Variants in FAT2 observed in about 807,000 individuals in gnomAD.
FAT2 encodes the protein FAT atypical cadherin 2.
In FAT2, 150 loss-of-function variants were observed where a neutral mutation model predicts 295.3. The ratio of observed to expected loss-of-function variants is 0.51; its 90% confidence interval spans 0.44 to 0.58. The LOEUF is 0.58. FAT2 is among the 20% of genes least tolerant of loss of function. FAT2 has a pLI of 0.00. For missense variants in FAT2, 4,868 were observed against 5,442.7 expected (o/e 0.89, Z 3.32); for synonymous variants, 2,026 against 2,150.3 (o/e 0.94, Z 1.60).
chr5:151,555,700 G>C (rs1043627273), intron 4 of FAT2, among the ~76,000 whole-genome samples: 1 of 152,160 alleles, frequency 6.6e-6, no homozygotes, highest in Non-Finnish European at 1.5e-5. Context: ...AAAGGAAAAA[G>C]AATGTGCAGA....
intron 22 of FAT2, among the ~76,000 whole-genome samples, chr5:151,507,889 T>C (rs1216071917): frequency 1.3e-5 from 2 of 152,176 alleles, no homozygotes; most frequent in Non-Finnish European, 2.9e-5. Flanking sequence ...ATACACTCTC[T>C]ATCATGAGGT....
chr5:151,529,948 G>A (rs13174422), intron 14 of FAT2, among the ~76,000 whole-genome samples: 31,857 of 152,176 alleles, frequency 0.21, 4,099 homozygotes, highest in East Asian at 0.39. Context: ...ATAGTTAATG[G>A]TGGACACTCT....
At position 151,521,966 on chromosome 5, in the gene FAT2, C is replaced by T; in HGVS notation, c.10627G>A (p.Asp3543Asn). ...PLEIFITVGE[D>N]EFQGGMVGKI... is the part of the protein sequence containing the mutation. The stretch of plus-strand genomic sequence containing the variant: ...CCCACCATGCCACCCTGGAACTCAT[C>T]CTCTCCAACAGTGATGAAGATCTCC... Residue 3543 changes from aspartate to asparagine, a missense_variant, in exon 19 of 24, where the codon GAT becomes AAT. Around this residue, in one of 5 missense-constraint regions of FAT2, gnomAD observed 1,046 missense variants for 1,210.1 expected, o/e 0.86. Transcript: ENST00000261800. 2 of 1,614,214 alleles carry T rather than the reference C, an allele frequency of 1.2e-6. No homozygotes were observed. Among genetic ancestry groups the T allele is most frequent in the Non-Finnish European group, 1.7e-6 (2 of 1,180,038 alleles).
At chr5:151,538,098 G>C (rs1581376463) in intron 11 of FAT2, 152 bp from the exon 12 acceptor site, 1 of 580,050 alleles carries the variant, frequency 1.7e-6, no homozygotes, top group Non-Finnish European at 3.0e-6. Context: ...CAGAGACAGA[G>C]AGAGAGAAAG....
At position 151,553,322 on chromosome 5, in the gene FAT2, G is replaced by C. The variant is rs1757386076; in HGVS notation, c.4011C>G (p.Ile1337Met). 3 of 1,614,154 alleles carry C rather than the reference G, an allele frequency of 1.9e-6. No homozygotes were observed. The highest frequency in any genetic ancestry group is 1.1e-5 in the South Asian group (1 of 91,092). The change falls in exon 6 of 24, where the codon ATC becomes ATG. Residue 1337 changes from isoleucine (I) to methionine (M), a missense_variant. Around this residue, in one of 5 missense-constraint regions of FAT2, gnomAD observed 3,297 missense variants for 3,669.4 expected, o/e 0.90. Coordinates refer to ENST00000261800, the MANE Select transcript of FAT2 (RefSeq NM_001447.3). ...SASVRLHIEW[I>M]PWPRPSSIPL... The stretch of plus-strand genomic sequence containing the variant: ...GGATGGAGGACGGCCGGGGCCAAGG[G>C]ATCCACTCAATGTGTAGCCGGACAC...
Position 151,590,755 on chromosome 5 carries a change from C to T in FAT2, c.-21+410G>A, listed in dbSNP as rs75502057. Among the ~76,000 whole-genome samples, 15 of 152,280 alleles carry T rather than the reference C, an allele frequency of 9.9e-5. No homozygotes were observed. The East Asian group carries it at 2.9e-3, about 29-fold the overall frequency. ...AAGCCAGCAACTCTCAATTCCTGGC[C>T]CTGGCACTTCCCCCTAAAAACTGCA... On this transcript the variant is annotated intron_variant, in intron 1 of 23. Coordinates refer to ENST00000261800, the MANE Select transcript of FAT2 (RefSeq NM_001447.3).
intron 11 of FAT2, among the ~76,000 whole-genome samples, chr5:151,540,158 T>A (rs757328033): frequency 3.3e-5 from 5 of 152,222 alleles, no homozygotes; most frequent in Non-Finnish European, 7.3e-5. Context: ...GAAATAGACC[T>A]TTGTTGGGAA....
chr5:151,531,053 GA>G lies in FAT2; in HGVS notation c.9811+533del, dbSNP rs1754539085. On this transcript the variant is annotated intron_variant, in intron 14 of 23. Transcript: ENST00000261800. The surrounding 1 kb of genome is among the most constrained non-coding windows in gnomAD (Gnocchi z 5.7). ...CTGAGGCCCTTCGGTGAGTTTCTGT[GA>G]ACCTGACTTTGAGTCTTCTGTGGCT... Among the ~76,000 whole-genome samples, 1 of 152,182 alleles carries G rather than the reference GA, an allele frequency of 6.6e-6. No individual in the cohort carries two copies. Among genetic ancestry groups the G allele is most frequent in the Non-Finnish European group, 1.5e-5 (1 of 68,018 alleles).
chr5:151,527,679 A>G (rs1398677921), intron 16 of FAT2, among the ~76,000 whole-genome samples: 2 of 152,162 alleles, frequency 1.3e-5, no homozygotes, highest in East Asian at 3.8e-4. Flanking sequence ...AATCCTTATA[A>G]AACATTTAGG....
At chr5:151,529,605 T>C (rs1047678165) in intron 14 of FAT2, among the ~76,000 whole-genome samples, 3 of 152,176 alleles carry the variant, frequency 2.0e-5, no homozygotes, top group African/African-American at 7.2e-5. Flanking sequence ...TCACAACAGC[T>C]ATGTTTCCCT....
chr5:151,520,071 A>C (rs72798342), intron 19 of FAT2, among the ~76,000 whole-genome samples: 4,133 of 152,336 alleles, frequency 0.027, 73 homozygotes, highest in Non-Finnish European at 0.042. Flanking sequence ...CAGAGAAGGA[A>C]ATCCTCTCCC....
chr5:151,585,949 A>G (rs1472694882), intron 1 of FAT2, among the ~76,000 whole-genome samples: 1 of 152,232 alleles, frequency 6.6e-6, no homozygotes, highest in African/African-American at 2.4e-5. Flanking sequence ...AGGTGGAATC[A>G]TGTGTTAAGG....
rs1761197028 is a variant in FAT2, at chr5:151,510,013, G to T, written c.12059+8C>A. 4 of 1,613,714 alleles carry T rather than the reference G, an allele frequency of 2.5e-6. No individual in the cohort carries two copies. The highest frequency in any genetic ancestry group is 3.4e-6 in the Non-Finnish European group (4 of 1,179,866). On this transcript the variant is annotated splice_region_variant and intron_variant, in intron 22 of 23. Coordinates refer to ENST00000261800, the MANE Select transcript of FAT2 (RefSeq NM_001447.3). The stretch of plus-strand genomic sequence containing the variant: ...GAGCCCATGGCAGGTGGCCTCTCCT[G>T]GGATTACCTGTCTCCTGTGTAAGGA...
chr5:151,558,460 A>G (rs984867442), intron 3 of FAT2, among the ~76,000 whole-genome samples: 2 of 152,152 alleles, frequency 1.3e-5, no homozygotes, highest in African/African-American at 4.8e-5. Context: ...TACTAAAAAT[A>G]CAAAAAAAAT....
rs374913289 is a variant in FAT2 at position 151,565,871 on chromosome 5, G to A, written c.3061C>T (p.Leu1021=). Residue 1021 remains leucine, a synonymous_variant, in exon 2 of 24, where the codon CTG becomes TTG. Coordinates refer to ENST00000261800, the MANE Select transcript of FAT2 (RefSeq NM_001447.3). ...RTLCHVEVIV[L]DVNENLHPPH... Reference sequence around the variant, plus strand: ...GGGTGGAGATTCTCATTCACATCCAGGACGATCACCTCCACATGGCAGAGA... The same window carrying A: ...GGGTGGAGATTCTCATTCACATCCAAGACGATCACCTCCACATGGCAGAGA... The A allele has an allele frequency of 1.9e-6, 3 of 1,614,016 alleles. No homozygotes were observed. Among genetic ancestry groups the A allele is most frequent in the Non-Finnish European group, 2.5e-6 (3 of 1,180,018 alleles).
At chr5:151,534,358 A>G in intron 13 of FAT2, 51 bp downstream of exon 13, 1 of 1,461,778 alleles carries the variant, frequency 6.8e-7, no homozygotes, top group Non-Finnish European at 9.3e-7. Context: ...ACCCTTGCCC[A>G]AGGTGACCCA....
chr5:151,526,566 G>A (rs1321221069), intron 17 of FAT2, among the ~76,000 whole-genome samples: 1 of 152,164 alleles, frequency 6.6e-6, no homozygotes, highest in Non-Finnish European at 1.5e-5. Flanking sequence ...GAAACTGATC[G>A]TTGCCTATCC....
chr5:151,570,609 G>A (rs533397823), intron 1 of FAT2, among the ~76,000 whole-genome samples: 2 of 152,362 alleles, frequency 1.3e-5, no homozygotes, highest in South Asian at 4.1e-4. Context: ...AGGAGGAGCG[G>A]GGCAGGGTTT....
chr5:151,516,570 T>C (rs1221999610), intron 20 of FAT2, among the ~76,000 whole-genome samples: 3 of 152,142 alleles, frequency 2.0e-5, no homozygotes, highest in Admixed American at 6.6e-5. Context: ...CCCCTCCATT[T>C]TTTCCTTTTT....
Sources: allele counts gnomAD v4.1 joint callset (sites outside exome capture counted in the v4.1 genomes callset), GRCh38; gene constraint gnomAD v4.1.1; regional missense constraint gnomAD v4.1.1; non-coding constraint Gnocchi (gnomAD v3.1); transcripts MANE v1.5; gene names NCBI Gene and HGNC (gene_info 2026-07-23, HGNC 2026-07-21).